Variants in NFIB observed in about 807,000 individuals in gnomAD.
NFIB encodes the protein nuclear factor I B.
NFIB carries 11 observed loss-of-function variants against 61.5 expected under a neutral mutation model. That is an observed-to-expected ratio of 0.18 (90% CI 0.11 to 0.30). NFIB has a LOEUF of 0.30. Ranked by LOEUF, NFIB falls within the 10% of genes least tolerant of loss-of-function variation. NFIB has a pLI of 1.00. For missense variants in NFIB, 471 were observed against 608.9 expected (o/e 0.77, Z 2.38); for synonymous variants, 260 against 216.5 (o/e 1.20, Z -1.76).
chr9:14,109,339 G>C (rs1001691862), intron 10 of NFIB, among the ~76,000 whole-genome samples: 1 of 151,890 alleles, frequency 6.6e-6, no homozygotes, highest in African/African-American at 2.4e-5. Flanking sequence ...ATGTGTTCGT[G>C]AATTATAAAG....
At chr9:14,232,974 G>A (rs1031459910) in intron 2 of NFIB, among the ~76,000 whole-genome samples, 3 of 152,168 alleles carry the variant, frequency 2.0e-5, no homozygotes, top group East Asian at 1.9e-4. Flanking sequence ...AGTGGGACAG[G>A]TCAAGAGGGC....
chr9:14,403,856 C>T (rs1478684049), upstream of NFIB, among the ~76,000 whole-genome samples: 4 of 152,082 alleles, frequency 2.6e-5, no homozygotes, highest in East Asian at 1.9e-4. Context: ...GAAAAGGAAA[C>T]AAACACAAAT....
At chr9:14,175,473 C>T (rs1451822032) in intron 3 of NFIB, among the ~76,000 whole-genome samples, 1 of 152,110 alleles carries the variant, frequency 6.6e-6, no homozygotes. Context: ...CACGCCCAGC[C>T]AGCGACTTAA....
At chr9:14,212,252 C>G (rs1473052641) in intron 2 of NFIB, among the ~76,000 whole-genome samples, 1 of 152,204 alleles carries the variant, frequency 6.6e-6, no homozygotes, top group African/African-American at 2.4e-5. Flanking sequence ...CAAAACTACT[C>G]CAATTCACAT....
chr9:14,455,075 G>T, the NFIB span, among the ~76,000 whole-genome samples: 116 of 152,330 alleles, frequency 7.6e-4, no homozygotes, highest in African/African-American at 2.7e-3. Flanking sequence ...TAATTTGACT[G>T]ATACAAATAC....
intron 1 of NFIB, among the ~76,000 whole-genome samples, chr9:14,387,698 G>T (rs1287817733): frequency 6.6e-6 from 1 of 152,204 alleles, no homozygotes; most frequent in Non-Finnish European, 1.5e-5. Context: ...AGTCTGACAA[G>T]GTAGGCATGG....
chr9:14,203,580 G>A (rs1403457065), intron 2 of NFIB, among the ~76,000 whole-genome samples: 3 of 152,048 alleles, frequency 2.0e-5, no homozygotes, highest in Non-Finnish European at 2.9e-5. Flanking sequence ...GGAGCTCTCC[G>A]CGCGGGCAGG....
chr9:14,271,161 G>C (rs530259990), intron 2 of NFIB, among the ~76,000 whole-genome samples: 297 of 147,986 alleles, frequency 2.0e-3, no homozygotes, highest in Non-Finnish European at 1.8e-3. Flanking sequence ...GCGTCCCATA[G>C]AACCTCCCCC....
At chr9:14,104,523 G>C (rs1171350469) in intron 10 of NFIB, among the ~76,000 whole-genome samples, 1 of 151,926 alleles carries the variant, frequency 6.6e-6, no homozygotes, top group East Asian at 1.9e-4. Context: ...GAATGTTAAT[G>C]ATTTATCACT....
chr9:14,397,569 CT>C, intron 1 of NFIB, among the ~76,000 whole-genome samples: 1 of 152,312 alleles, frequency 6.6e-6, no homozygotes, highest in East Asian at 1.9e-4. Context: ...AAGTCTTTAT[CT>C]GGCCCAAAAC....
chr9:14,461,668 T>C, the NFIB span, among the ~76,000 whole-genome samples: 3 of 152,196 alleles, frequency 2.0e-5, no homozygotes, highest in African/African-American at 4.8e-5. Flanking sequence ...CTTTTATGTA[T>C]GGTAAGAATC....
chr9:14,260,960 G>C (rs1287273642), intron 2 of NFIB, among the ~76,000 whole-genome samples: 1 of 147,728 alleles, frequency 6.8e-6, no homozygotes, highest in African/African-American at 2.5e-5. Context: ...GAAACCTGTA[G>C]GTATACTAAA....
rs116783483 is a variant in NFIB, at chr9:14,269,427, G to A, written c.562+37562C>T. ...TTCAATACTTTCAGTACTGCTCCCC[G>A]ACCAGGATTTAGTTTGCCAAATTAC... On this transcript the variant is annotated intron_variant, in intron 2 of 10. Transcript: ENST00000380953. 7.2e-5 allele frequency among the ~76,000 whole-genome samples: 11 copies of A among 152,088 alleles called. No individual in the cohort carries two copies. In the South Asian group the frequency reaches 1.7e-3, roughly 23 times the overall value.
chr9:14,470,601 G>T, the NFIB span, among the ~76,000 whole-genome samples: 1 of 152,168 alleles, frequency 6.6e-6, no homozygotes, highest in African/African-American at 2.4e-5. Flanking sequence ...TAGGCAGCAG[G>T]GGCTTGGGAT....
At chr9:14,485,085 G>C in the NFIB span, among the ~76,000 whole-genome samples, 1 of 152,080 alleles carries the variant, frequency 6.6e-6, no homozygotes, top group East Asian at 1.9e-4. Context: ...CATGCCCTTA[G>C]GATCTTATTT....
intron 2 of NFIB, among the ~76,000 whole-genome samples, chr9:14,273,956 T>C (rs924710419): frequency 2.0e-5 from 3 of 152,194 alleles, no homozygotes; most frequent in Non-Finnish European, 4.4e-5. Flanking sequence ...CAGTCTTTTT[T>C]TCACCTCTGA....
At chr9:14,395,648 G>T (rs1301047915) in intron 1 of NFIB, among the ~76,000 whole-genome samples, 1 of 150,860 alleles carries the variant, frequency 6.6e-6, no homozygotes, top group Non-Finnish European at 1.5e-5. Context: ...CCAACCCAGT[G>T]GTTGCCTTGC....
At chr9:14,175,459 A>G (rs1481893783) in intron 3 of NFIB, among the ~76,000 whole-genome samples, 3 of 152,084 alleles carry the variant, frequency 2.0e-5, no homozygotes, top group African/African-American at 7.2e-5. Context: ...CAGGCGTAAG[A>G]CACCACGCCC....
chr9:14,366,258 C>T (rs542732966), intron 1 of NFIB, among the ~76,000 whole-genome samples: 11 of 152,236 alleles, frequency 7.2e-5, no homozygotes, highest in African/African-American at 2.4e-4. Context: ...AGCCGAGGCC[C>T]GTGCAACCAC....
Sources: gnomAD v4.1 joint callset for allele counts (sites outside exome capture counted in the v4.1 genomes callset) on GRCh38, gnomAD v4.1.1 for gene constraint, MANE v1.5 for transcripts, NCBI Gene and HGNC (gene_info 2026-07-23, HGNC 2026-07-21) for gene names.